The following KIF5C variants were observed in gnomAD, a reference collection of about 807,000 sequenced individuals.
KIF5C encodes kinesin heavy chain isoform 5C.
In KIF5C, 18 loss-of-function variants were observed where a neutral mutation model predicts 125.2. The ratio of observed to expected loss-of-function variants is 0.14; its 90% CI spans 0.10 to 0.21. The LOEUF (loss-of-function observed/expected upper bound fraction) is 0.21, where lower values mean the gene tolerates loss of function less well. KIF5C is among the 10% of genes least tolerant of loss of function. KIF5C has a pLI of 1.00. For synonymous variants in KIF5C, 405 were observed against 434.0 expected (o/e 0.93, Z 0.83); for missense variants, 780 against 1,183.8 (o/e 0.66, Z 5.01).
At chr2:148,917,711 A>G (rs1275107126) in intron 1 of KIF5C, among the ~76,000 whole-genome samples, 4 of 152,236 alleles carry the variant, frequency 2.6e-5, no homozygotes, top group Admixed American at 1.3e-4. Context: ...TTCTGAATAC[A>G]GTACTCCTCA....
intron 25 of KIF5C, among the ~76,000 whole-genome samples, chr2:149,014,843 A>G (rs1428472691): frequency 6.6e-6 from 1 of 152,190 alleles, no homozygotes; most frequent in African/African-American, 2.4e-5. Context: ...GGGAAGGCCT[A>G]TTTCTAACTG....
chr2:149,010,437 G>T (rs1682155176), intron 24 of KIF5C, 86 bp downstream of exon 24: 4 of 1,461,728 alleles, frequency 2.7e-6, no homozygotes, highest in Admixed American at 2.6e-5. Flanking sequence ...AGACAGCGCT[G>T]GCCCACTCTG....
intron 11 of KIF5C, among the ~76,000 whole-genome samples, chr2:148,965,104 C>G (rs1683017460): frequency 6.6e-6 from 1 of 151,948 alleles, no homozygotes. Context: ...GAGGGTGAGA[C>G]CATTCTCTAA....
chr2:149,002,367 A>T (rs1030313483), intron 21 of KIF5C, among the ~76,000 whole-genome samples: 2 of 152,064 alleles, frequency 1.3e-5, no homozygotes, highest in African/African-American at 4.8e-5. Context: ...TCACACACTC[A>T]CACCGGGGCT....
chr2:148,922,264 A>T, intron 2 of KIF5C, 37 bp downstream of exon 2: 2 of 1,380,232 alleles, frequency 1.4e-6, no homozygotes, highest in Non-Finnish European at 2.0e-6. Flanking sequence ...TGGGCCATTC[A>T]GAGTAATTGA....
chr2:148,917,387 C>T (rs1405502811), intron 1 of KIF5C, among the ~76,000 whole-genome samples: 3 of 152,184 alleles, frequency 2.0e-5, no homozygotes, highest in South Asian at 2.1e-4. Flanking sequence ...ACCAGTACTC[C>T]GTAAAGGAAG....
intron 3 of KIF5C, among the ~76,000 whole-genome samples, chr2:148,936,739 T>G (rs971075278): frequency 6.6e-6 from 1 of 152,210 alleles, no homozygotes; most frequent in Non-Finnish European, 1.5e-5. Flanking sequence ...AACCACAGAT[T>G]TTTAAAAGAA....
intron 2 of KIF5C, among the ~76,000 whole-genome samples, chr2:148,928,023 T>C (rs1682069781): frequency 6.6e-6 from 1 of 152,164 alleles, no homozygotes; most frequent in African/African-American, 2.4e-5. Context: ...AAATAACATA[T>C]TGCTTTTTTG....
At chr2:149,000,584 T>C (rs1199985588) in intron 20 of KIF5C, 60 bp downstream of exon 20, 4 of 1,557,374 alleles carry the variant, frequency 2.6e-6, no homozygotes, top group East Asian at 2.3e-5. Flanking sequence ...TCTGGTTAGA[T>C]TGGGCTAATT....
At chr2:148,997,217 G>A in intron 17 of KIF5C, 47 bp from the exon 18 acceptor site, 4 of 1,585,710 alleles carry the variant, frequency 2.5e-6, no homozygotes, top group South Asian at 1.1e-5. Flanking sequence ...TTTTGGGTGT[G>A]AGTCCCACCA....
intron 10 of KIF5C, among the ~76,000 whole-genome samples, chr2:148,953,495 G>C (rs1431765294): frequency 6.6e-6 from 1 of 152,178 alleles, no homozygotes; most frequent in East Asian, 1.9e-4. Flanking sequence ...TTATACAGCA[G>C]ACACAAGACT....
At chr2:149,010,438 G>A in intron 24 of KIF5C, 87 bp downstream of exon 24, 2 of 1,461,534 alleles carry the variant, frequency 1.4e-6, no homozygotes, top group Non-Finnish European at 1.8e-6. Context: ...GACAGCGCTG[G>A]CCCACTCTGG....
intron 10 of KIF5C, among the ~76,000 whole-genome samples, chr2:148,954,185 C>T (rs1238717630): frequency 6.6e-6 from 1 of 152,118 alleles, no homozygotes; most frequent in Non-Finnish European, 1.5e-5. Flanking sequence ...TTCTTCCATT[C>T]AGTCGGGGTT....
chr2:148,939,627 T>C (rs1367121467), intron 4 of KIF5C, among the ~76,000 whole-genome samples: 1 of 152,214 alleles, frequency 6.6e-6, no homozygotes, highest in Non-Finnish European at 1.5e-5. Context: ...GGGCTGAATT[T>C]TACAGTCTGG....
At chr2:148,923,317 G>A (rs1681862877) in intron 2 of KIF5C, among the ~76,000 whole-genome samples, 1 of 152,156 alleles carries the variant, frequency 6.6e-6, no homozygotes, top group Admixed American at 6.5e-5. Flanking sequence ...ATGTCAGCAT[G>A]TAATGTTCCT....
chr2:148,897,918 C>CAAAA (rs55762538), intron 1 of KIF5C, among the ~76,000 whole-genome samples: 6 of 20,452 alleles, frequency 2.9e-4, no homozygotes, highest in African/African-American at 6.9e-4. Context: ...GACTCAGTCT[C>CAAAA]AAAAAAAAAA....
intron 1 of KIF5C, among the ~76,000 whole-genome samples, chr2:148,880,335 G>A (rs1015884138): frequency 6.6e-6 from 1 of 152,180 alleles, no homozygotes; most frequent in African/African-American, 2.4e-5. Context: ...TGGCCAGGCT[G>A]GTCTTGAACT....
intron 13 of KIF5C, among the ~76,000 whole-genome samples, chr2:148,979,552 T>C (rs1439071607): frequency 6.6e-6 from 1 of 152,168 alleles, no homozygotes; most frequent in Non-Finnish European, 1.5e-5. Flanking sequence ...GGATTACAGG[T>C]GTGAGCCACT....
Position 148,998,405 on chromosome 2 carries a change from G to C in KIF5C, c.2106G>C (p.Ala702=), listed in dbSNP as rs573133982. 1.3e-6 allele frequency: 2 copies of C among 1,560,744 alleles called. No individual in the cohort carries two copies. The highest frequency in any genetic ancestry group is 2.4e-5 in the South Asian group (2 of 84,464). Residue 702 remains alanine (A), a synonymous_variant, in exon 19 of 26, where the codon GCG becomes GCC. Transcript: ENST00000435030. ...TCTCTTGGCCTGGGATGCAGAAGGCGCTGGAGCAGCAGATGGAGAGCCACC... is the reference window on the plus strand; with the variant it reads ...TCTCTTGGCCTGGGATGCAGAAGGCCCTGGAGCAGCAGATGGAGAGCCACC... ...RLQDAEEMKK[A]LEQQMESHRE...
Sources: gnomAD v4.1 joint callset for allele counts (sites outside exome capture counted in the v4.1 genomes callset) on GRCh38, gnomAD v4.1.1 for gene constraint, MANE v1.5 for transcripts, NCBI Gene and HGNC (gene_info 2026-07-23, HGNC 2026-07-21) for gene names.